Variants in MMP1 observed in about 807,000 individuals in gnomAD.
The protein encoded by MMP1 is matrix metallopeptidase 1, also known as interstitial collagenase.
A neutral mutation model predicts 49.6 loss-of-function variants in MMP1; 51 were observed. That is an observed-to-expected ratio of 1.03 (90% CI 0.82 to 1.30). MMP1 has a LOEUF of 1.30. Among genes scored for constraint, MMP1 ranks in the 50% most tolerant of loss-of-function variants. MMP1 has a pLI of 0.00. For synonymous variants in MMP1, 230 were observed against 196.8 expected (o/e 1.17, Z -1.41); for missense variants, 623 against 568.7 (o/e 1.10, Z -0.97).
rs1370195572 is a variant in MMP1 at position 102,798,005 on chromosome 11, C to T, written c.88G>A (p.Asp30Asn). The change falls in exon 1 of 10, where the codon GAT (aspartate) becomes AAT (asparagine). Residue 30 changes from aspartate (D) to asparagine (N), a missense_variant. Coordinates refer to ENST00000315274, the MANE Select transcript of MMP1 (RefSeq NM_002421.4). ...GCATTTACCTGGACTAAGTCCACAT[C>T]TTGCTCTTGTGTTTCTAGAGTCGCT... The part of the protein sequence containing the change: ...FPATLETQEQ[D>N]VDLVQKYLEK... The T allele has an allele frequency of 1.9e-6, 3 of 1,613,316 alleles. No homozygotes were observed. The highest frequency in any genetic ancestry group is 2.5e-6 in the Non-Finnish European group (3 of 1,179,534).
At chr11:102,793,742 G>A (rs1858098801) in intron 6 of MMP1, among the ~76,000 whole-genome samples, 2 of 152,180 alleles carry the variant, frequency 1.3e-5, no homozygotes, top group Admixed American at 1.3e-4. Context: ...CAATCCCTTT[G>A]TTGTCCCTTG....
At chr11:102,792,279 T>C (rs1159523158) in intron 7 of MMP1, among the ~76,000 whole-genome samples, 2 of 152,214 alleles carry the variant, frequency 1.3e-5, no homozygotes, top group Non-Finnish European at 2.9e-5. Flanking sequence ...GTGCGTGGCA[T>C]AGTGTCTCGA....
intron 8 of MMP1, 126 bp downstream of exon 8, chr11:102,791,207 G>T: frequency 3.3e-6 from 3 of 919,500 alleles, no homozygotes; most frequent in Non-Finnish European, 5.1e-6. Flanking sequence ...ATGATAGATT[G>T]GCACCAGCCA....
intron 3 of MMP1, 69 bp from the exon 4 acceptor site, chr11:102,796,858 A>C (rs769690732): frequency 6.4e-7 from 1 of 1,573,608 alleles, no homozygotes; most frequent in Non-Finnish European, 8.6e-7. Flanking sequence ...GGCAAGCATT[A>C]GCTTTGTTAA....
chr11:102,797,135 T>C lies in MMP1; in HGVS notation c.378A>G (p.Pro126=), dbSNP rs1401178407. The C allele has an allele frequency of 5.0e-6, 8 of 1,614,062 alleles. No homozygotes were observed. Among genetic ancestry groups the C allele is most frequent in the African/African-American group, 1.3e-5 (1 of 74,936 alleles). ...CAATGGCATGGTCCACATCTGCTCTTGGCAAATCTGGCGTGTAATTTTCAA... is the reference window on the plus strand; with the variant it reads ...CAATGGCATGGTCCACATCTGCTCTCGGCAAATCTGGCGTGTAATTTTCAA... ...YRIENYTPDL[P]RADVDHAIEK... is the part of the protein sequence containing the mutation. Residue 126 remains proline (P), a synonymous_variant, in exon 3 of 10, where the codon CCA becomes CCG. Transcript: ENST00000315274.
intron 7 of MMP1, 111 bp from the exon 8 acceptor site, chr11:102,791,606 G>A (rs1425974799): frequency 1.7e-6 from 2 of 1,163,664 alleles, no homozygotes; most frequent in Non-Finnish European, 2.5e-6. Context: ...CCTGGCTGCA[G>A]ATTAGAATCA....
chr11:102,797,854 G>T, intron 1 of MMP1, 134 bp downstream of exon 1: 1 of 649,074 alleles, frequency 1.5e-6, no homozygotes, highest in Non-Finnish European at 2.5e-6. Flanking sequence ...CATTTTGGGT[G>T]GAGGGTGCTG....
chr11:102,792,273 G>A (rs765843910), intron 7 of MMP1, among the ~76,000 whole-genome samples: 10 of 152,262 alleles, frequency 6.6e-5, no homozygotes, highest in Non-Finnish European at 1.2e-4. Context: ...ATATTGGTGC[G>A]TGGCATAGTG....
At chr11:102,797,920 TATTAC>T in intron 1 of MMP1, 63 bp downstream of exon 1, 1 of 1,202,162 alleles carries the variant, frequency 8.3e-7, no homozygotes, top group Non-Finnish European at 1.2e-6. Flanking sequence ...TAAAAAACTC[TATTAC>T]ATTACTGCAG....
chr11:102,795,502 C>T lies in MMP1; in HGVS notation c.731G>A (p.Gly244Asp), dbSNP rs1565212044. The change falls in exon 5 of 10, where the codon GGT becomes GAT. Residue 244 changes from glycine to aspartate, a missense_variant. Coordinates refer to ENST00000315274, the MANE Select transcript of MMP1 (RefSeq NM_002421.4). ...ALMYPSYTFSGDVQLAQDDID... is the reference protein window; with the variant it reads ...ALMYPSYTFSDDVQLAQDDID... ...GTCATCCTGAGCTAGCTGAACATCA[C>T]CACTGAAGGTGTAGCTAGGGTACAT... 2 of 1,614,066 alleles carry T rather than the reference C, an allele frequency of 1.2e-6. No individual in the cohort carries two copies. Among genetic ancestry groups the T allele is most frequent in the East Asian group, 2.2e-5 (1 of 44,882 alleles).
Position 102,790,809 on chromosome 11 carries a change from G to T in MMP1, c.1197-3C>A. 1 of 1,557,136 alleles carries T rather than the reference G, an allele frequency of 6.4e-7. No homozygotes were observed. Among genetic ancestry groups the T allele is most frequent in the Non-Finnish European group, 8.9e-7 (1 of 1,128,998 alleles). ...TAGATCGTTTATATTCATCATACCT[G>T]GTCAGAAAAGAGTTAAGAGTGTCAG... On this transcript the variant is annotated splice_region_variant and splice_polypyrimidine_tract_variant and intron_variant, in intron 8 of 9. Coordinates refer to ENST00000315274, the MANE Select transcript of MMP1 (RefSeq NM_002421.4).
In MMP1 at chr11:102,790,389, T is replaced by G. The variant is rs1190335075; in HGVS notation, c.*23A>C. 3 of 1,423,692 alleles carry G rather than the reference T, an allele frequency of 2.1e-6. No homozygotes were observed. In the African/African-American group the frequency reaches 4.3e-5, roughly 20 times the overall value. 88.2% of individuals were successfully genotyped at this position (1,423,692 alleles called of 1,614,324 possible). ...ACCTTCTTTGGACTCACACCATGTG[T>G]TTTCCATTCAAATTAGTAATGTTCA... On this transcript the variant is annotated 3_prime_UTR_variant, in exon 10 of 10. Transcript: ENST00000315274.
Position 102,790,408 on chromosome 11 carries a change from A to T in MMP1, c.*4T>A. On this transcript the variant is annotated 3_prime_UTR_variant, in exon 10 of 10. Transcript: ENST00000315274. Reference sequence around the variant, plus strand: ...CATGTGTTTTCCATTCAAATTAGTAATGTTCAATTTTTCCTGCAGTTGAAC... The same window carrying T: ...CATGTGTTTTCCATTCAAATTAGTATTGTTCAATTTTTCCTGCAGTTGAAC... 1.3e-6 allele frequency: 2 copies of T among 1,544,770 alleles called. No individual in the cohort carries two copies. The highest frequency in any genetic ancestry group is 8.9e-7 in the Non-Finnish European group (1 of 1,125,104).
Position 102,794,985 on chromosome 11 carries a change from C to A in MMP1, c.899+189G>T, listed in dbSNP as rs1398111449. On this transcript the variant is annotated intron_variant, in intron 6 of 9. Coordinates refer to ENST00000315274, the MANE Select transcript of MMP1 (RefSeq NM_002421.4). The surrounding 1 kb of genome is among the most constrained non-coding windows in gnomAD (Gnocchi z 4.3). ...ACTATATTTTCTGAGAATCAGTTGA[C>A]CTAATACATGTAGAAAAACAAAGTT... 6.6e-6 allele frequency among the ~76,000 whole-genome samples: 1 copy of A among 152,198 alleles called. No homozygotes were observed. The highest frequency in any genetic ancestry group is 1.5e-5 in the Non-Finnish European group (1 of 68,040).
At chr11:102,796,526 A>C in intron 4 of MMP1, 138 bp downstream of exon 4, 1 of 1,002,472 alleles carries the variant, frequency 1.0e-6, no homozygotes, top group Non-Finnish European at 1.4e-6. Context: ...TCACTTTTCT[A>C]AGTGTATCAC....
chr11:102,797,101 AG>A lies in MMP1; in HGVS notation c.411del (p.Phe138SerfsTer10). The A allele has an allele frequency of 6.2e-7, 1 of 1,614,174 alleles. No homozygotes were observed. The highest frequency in any genetic ancestry group is 8.5e-7 in the Non-Finnish European group (1 of 1,180,024). On this transcript the variant is annotated frameshift_variant, in exon 3 of 10. Coordinates refer to ENST00000315274, the MANE Select transcript of MMP1 (RefSeq NM_002421.4). LOFTEE classifies it high-confidence loss of function. ...GGTGTGACATTACTCCAGAGTTGGA[AG>A]GCTTTCTCAATGGCATGGTCCACAT... ...RADVDHAIEK[A>X]FQLWSNVTPL...
Position 102,795,252 on chromosome 11 carries a change from G to A in MMP1, c.821C>T (p.Thr274Ile), listed in dbSNP as rs149392574. ...TAGCTTACTGTCACACGCTTTTGGG[G>A]TTTGTGGGCCGATGGGCTGGACAGG... ...QNPVQPIGPQ[T>I]PKACDSKLTF... is the part of the protein sequence containing the mutation. Residue 274 changes from threonine to isoleucine, a missense_variant, in exon 6 of 10, where the codon ACC (threonine) becomes ATC (isoleucine). Thr to Ile is a moderately conservative substitution (Grantham distance 89, BLOSUM62 -1). Transcript: ENST00000315274. 2 of 1,614,092 alleles carry A rather than the reference G, an allele frequency of 1.2e-6. No individual in the cohort carries two copies. Among genetic ancestry groups the A allele is most frequent in the South Asian group, 2.2e-5 (2 of 91,078 alleles).
chr11:102,795,352 T>C lies in MMP1; in HGVS notation c.782-61A>G, dbSNP rs565663344. On this transcript the variant is annotated intron_variant, in intron 5 of 9. Transcript: ENST00000315274. ...TAGTATTAGAAAACTACATAAACAA[T>C]GAAGACAGCTTCTTCAAGGATATCG... is the stretch of plus-strand genomic sequence containing the variant. 5 of 1,604,834 alleles carry C rather than the reference T, an allele frequency of 3.1e-6. No homozygotes were observed. The South Asian group carries it at 4.4e-5, about 14-fold the overall frequency.
Position 102,797,486 on chromosome 11 carries a change from T to C in MMP1, c.120A>G (p.Lys40=). Residue 40 remains lysine (K), a synonymous_variant, in exon 2 of 10, where the codon AAA becomes AAG. Transcript: ENST00000315274. ...TCCCATCATTCTTCAGGTTGTAGTA[T>C]TTTTCCAGGTATTTCTGACAAAAGA... The part of the protein sequence containing the change: ...DVDLVQKYLE[K]YYNLKNDGRQ... 1 of 1,614,028 alleles carries C rather than the reference T, an allele frequency of 6.2e-7. No individual in the cohort carries two copies. The highest frequency in any genetic ancestry group is 8.5e-7 in the Non-Finnish European group (1 of 1,179,930).
Sources: allele counts gnomAD v4.1 joint callset (sites outside exome capture counted in the v4.1 genomes callset), GRCh38; gene constraint gnomAD v4.1.1; non-coding constraint Gnocchi (gnomAD v3.1); transcripts MANE v1.5; gene names NCBI Gene and HGNC (gene_info 2026-07-23, HGNC 2026-07-21).